Variants in TENM4 observed in about 807,000 individuals in gnomAD.
The protein encoded by TENM4 is teneurin transmembrane protein 4, also known as teneurin-4.
A neutral mutation model predicts 243.3 loss-of-function variants in TENM4; 82 were observed. That is an observed-to-expected ratio of 0.34 (90% CI 0.28 to 0.40). TENM4 has a LOEUF of 0.40. Among genes scored for constraint, TENM4 ranks in the 10% least tolerant of loss-of-function variants. The pLI is 1.00. For missense variants in TENM4, 3,138 were observed against 3,673.3 expected (o/e 0.85, Z 3.77); for synonymous variants, 1,412 against 1,456.3 (o/e 0.97, Z 0.69).
At chr11:79,212,837 G>C (rs1011276276) in intron 3 of TENM4, among the ~76,000 whole-genome samples, 2 of 152,142 alleles carry the variant, frequency 1.3e-5, no homozygotes, top group Admixed American at 6.5e-5. Context: ...TCTCCCAGCC[G>C]TTAAGCAGGA....
intron 17 of TENM4, among the ~76,000 whole-genome samples, chr11:78,777,197 GT>G (rs1227908032): frequency 1.3e-5 from 2 of 152,152 alleles, no homozygotes; most frequent in East Asian, 1.9e-4. Flanking sequence ...TGAAATGCCT[GT>G]TTTTAAAGAG....
chr11:78,935,389 T>C (rs991880193), intron 6 of TENM4, among the ~76,000 whole-genome samples: 4 of 152,208 alleles, frequency 2.6e-5, no homozygotes, highest in Non-Finnish European at 5.9e-5. Flanking sequence ...ACCTATTAAG[T>C]TCCAGGCACC....
chr11:78,910,873 G>C (rs907881549), intron 6 of TENM4, among the ~76,000 whole-genome samples: 4 of 152,120 alleles, frequency 2.6e-5, no homozygotes, highest in Non-Finnish European at 5.9e-5. Flanking sequence ...ACAGTATTTG[G>C]CCTGAAATCC....
chr11:79,235,042 G>A lies in TENM4; in HGVS notation c.-264-19133C>T, dbSNP rs139294165. Among the ~76,000 whole-genome samples the A allele has an allele frequency of 2.2e-3, 339 of 152,192 alleles. 2 individuals are homozygous for A. Among genetic ancestry groups the A allele is most frequent in the African/African-American group, 6.4e-3 (264 of 41,512 alleles). Reference sequence around the variant, plus strand: ...GAAGTCTCCCTGACTGGCCAGGCGCGGTGACTCATGCCTGCAATCCCAGCA... The same window carrying A: ...GAAGTCTCCCTGACTGGCCAGGCGCAGTGACTCATGCCTGCAATCCCAGCA... On this transcript the variant is annotated intron_variant, in intron 2 of 33. Coordinates refer to ENST00000278550, the MANE Select transcript of TENM4 (RefSeq NM_001098816.3).
intron 1 of TENM4, among the ~76,000 whole-genome samples, chr11:79,301,074 G>A (rs1437274728): frequency 6.6e-6 from 1 of 152,102 alleles, no homozygotes; most frequent in Non-Finnish European, 1.5e-5. Context: ...CCCTCTGGGG[G>A]ACTTCTGCAG....
chr11:79,432,484 T>A (rs1300994784), intron 1 of TENM4, among the ~76,000 whole-genome samples: 1 of 152,234 alleles, frequency 6.6e-6, no homozygotes, highest in Non-Finnish European at 1.5e-5. Context: ...CTGAACTGGA[T>A]CCTTTCACTG....
At chr11:78,878,857 C>T (rs1859337616) in intron 9 of TENM4, among the ~76,000 whole-genome samples, 1 of 152,188 alleles carries the variant, frequency 6.6e-6, no homozygotes, top group Admixed American at 6.5e-5. Flanking sequence ...AAGATGTTTA[C>T]AGAAGTGCTA....
chr11:78,906,763 A>G (rs1856072266), intron 6 of TENM4, among the ~76,000 whole-genome samples: 1 of 152,132 alleles, frequency 6.6e-6, no homozygotes, highest in Admixed American at 6.5e-5. Flanking sequence ...CCTCCCCAAG[A>G]GCATGCATAC....
chr11:79,277,062 ATTC>A (rs1385409720), intron 2 of TENM4, among the ~76,000 whole-genome samples: 5 of 152,152 alleles, frequency 3.3e-5, no homozygotes, highest in Admixed American at 2.6e-4. Context: ...GCTGGTGGGA[ATTC>A]TTCTGCTTAC....
intron 1 of TENM4, among the ~76,000 whole-genome samples, chr11:79,384,191 G>A (rs1025588387): frequency 4.6e-5 from 7 of 152,218 alleles, no homozygotes; most frequent in African/African-American, 1.7e-4. Flanking sequence ...GAACATAGCA[G>A]AGGGCCTGAA....
At chr11:78,732,018 A>G (rs1421681171) in intron 21 of TENM4, among the ~76,000 whole-genome samples, 1 of 152,234 alleles carries the variant, frequency 6.6e-6, no homozygotes, top group Non-Finnish European at 1.5e-5. Context: ...GGGAAAAGGA[A>G]AGTAGGCAGA....
chr11:79,024,972 A>G (rs949991423), intron 6 of TENM4, among the ~76,000 whole-genome samples: 1 of 152,190 alleles, frequency 6.6e-6, no homozygotes, highest in African/African-American at 2.4e-5. Flanking sequence ...GGAAGATGTT[A>G]GGATATGCCT....
At chr11:79,373,229 G>C (rs1406694069) in intron 1 of TENM4, among the ~76,000 whole-genome samples, 1 of 152,104 alleles carries the variant, frequency 6.6e-6, no homozygotes, top group African/African-American at 2.4e-5. Context: ...TTGATGCTTG[G>C]CTGGCTGGCT....
chr11:79,322,780 A>G (rs538096), intron 1 of TENM4, among the ~76,000 whole-genome samples: 128,737 of 152,250 alleles, frequency 0.85, 55,054 homozygotes, highest in African/African-American at 0.95. Context: ...TTGTTCACAC[A>G]ATTCCATGTT....
intron 2 of TENM4, among the ~76,000 whole-genome samples, chr11:79,271,658 A>C (rs972146266): frequency 1.3e-5 from 2 of 151,916 alleles, no homozygotes; most frequent in East Asian, 3.9e-4. Flanking sequence ...TTCACCTTCC[A>C]CTCTTCAACC....
chr11:79,108,712 G>T (rs771483274), intron 4 of TENM4, among the ~76,000 whole-genome samples: 1 of 152,048 alleles, frequency 6.6e-6, no homozygotes, highest in Non-Finnish European at 1.5e-5. Flanking sequence ...ATTGAAAAAA[G>T]ATAAAAATAT....
chr11:79,360,446 A>G (rs773914062), intron 1 of TENM4, among the ~76,000 whole-genome samples: 3 of 152,152 alleles, frequency 2.0e-5, no homozygotes, highest in Non-Finnish European at 4.4e-5. Flanking sequence ...CTCCCTCCTC[A>G]GTTGGAGTAG....
At chr11:79,252,240 C>CT (rs778347078) in intron 2 of TENM4, among the ~76,000 whole-genome samples, 1 of 152,110 alleles carries the variant, frequency 6.6e-6, no homozygotes, top group South Asian at 2.1e-4. Context: ...GAAGTTCTCT[C>CT]TTTTTCTTTT....
At chr11:78,751,847 A>T (rs1240081899) in intron 19 of TENM4, among the ~76,000 whole-genome samples, 1 of 152,108 alleles carries the variant, frequency 6.6e-6, no homozygotes, top group South Asian at 2.1e-4. Flanking sequence ...TTGTATTGAC[A>T]GTGCAGTTGG....
Sources: allele counts gnomAD v4.1 joint callset (sites outside exome capture counted in the v4.1 genomes callset), GRCh38; gene constraint gnomAD v4.1.1; transcripts MANE v1.5; gene names NCBI Gene and HGNC (gene_info 2026-07-23, HGNC 2026-07-21).